The following MPHOSPH9 variants were observed in gnomAD, a reference collection of about 807,000 sequenced individuals.
The protein encoded by MPHOSPH9 is M-phase phosphoprotein 9.
A neutral mutation model predicts 145.5 loss-of-function variants in MPHOSPH9; 88 were observed. The observed-to-expected ratio is 0.60, with a 90% CI of 0.51 to 0.72. The LOEUF is 0.72. Ranked by LOEUF, MPHOSPH9 falls within the 30% of genes least tolerant of loss-of-function variation. The pLI is 0.00. For missense variants in MPHOSPH9, 1,238 were observed against 1,386.6 expected (o/e 0.89, Z 1.70); for synonymous variants, 435 against 486.2 (o/e 0.89, Z 1.39).
At chr12:123,224,028 G>A (rs1284590143) in intron 3 of MPHOSPH9, among the ~76,000 whole-genome samples, 1 of 150,904 alleles carries the variant, frequency 6.6e-6, no homozygotes. Flanking sequence ...TCCGCCTCCC[G>A]TGTTCAAGCA....
intron 13 of MPHOSPH9, among the ~76,000 whole-genome samples, chr12:123,189,475 A>T (rs1194246369): frequency 6.6e-6 from 1 of 152,214 alleles, no homozygotes; most frequent in Non-Finnish European, 1.5e-5. Context: ...TCATAGTAGC[A>T]TTGCTCCTAA....
intron 18 of MPHOSPH9, 88 bp from the exon 19 acceptor site, chr12:123,164,178 A>C: frequency 6.9e-7 from 1 of 1,441,316 alleles, no homozygotes; most frequent in Non-Finnish European, 9.7e-7. Context: ...AGGTGGTTAC[A>C]CATGGTTACA....
chr12:123,213,141 GA>G (rs1376435026), intron 7 of MPHOSPH9, among the ~76,000 whole-genome samples: 2 of 151,984 alleles, frequency 1.3e-5, no homozygotes, highest in Non-Finnish European at 2.9e-5. Flanking sequence ...TTACAAGCAT[GA>G]GCCACCGCGC....
chr12:123,202,445 A>T (rs2046262636), intron 10 of MPHOSPH9, 126 bp from the exon 11 acceptor site: 2 of 1,212,224 alleles, frequency 1.6e-6, no homozygotes, highest in African/African-American at 3.1e-5. Context: ...GCATACTACA[A>T]AATATATAGA....
chr12:123,181,085 A>C (rs975887319), intron 14 of MPHOSPH9, 78 bp downstream of exon 14: 7 of 1,320,046 alleles, frequency 5.3e-6, no homozygotes, highest in African/African-American at 1.4e-5. Context: ...CAAGGAGGAG[A>C]AGAGTCAGAT....
chr12:123,210,031 C>T lies in MPHOSPH9; in HGVS notation c.1194+25G>A, dbSNP rs758322271. On this transcript the variant is annotated intron_variant, in intron 8 of 23. Transcript: ENST00000606320. ...GATTACAGGCGTAAGCCACCGCGCC[C>T]GGCCACCGTGTGTTTTTAAATTACC... 31 of 1,559,838 alleles carry T rather than the reference C, an allele frequency of 2.0e-5. No homozygotes were observed. The East Asian group carries it at 3.4e-4, about 17-fold the overall frequency.
intron 1 of MPHOSPH9, among the ~76,000 whole-genome samples, chr12:123,239,051 G>A (rs979640428): frequency 6.6e-6 from 1 of 152,110 alleles, no homozygotes; most frequent in Non-Finnish European, 1.5e-5. Flanking sequence ...AAGGCAGATC[G>A]CTTGAGTTTG....
chr12:123,221,544 C>T lies in MPHOSPH9; in HGVS notation c.700G>A (p.Val234Met). Residue 234 changes from valine (V) to methionine (M), a missense_variant, in exon 5 of 24, where the codon GTG becomes ATG. Physicochemically the swap from Val to Met is conservative, Grantham distance 21. Coordinates refer to ENST00000606320, the MANE Select transcript of MPHOSPH9 (RefSeq NM_022782.4). ...CCATCTACAAGTGACTCAGCCGGCA[C>T]CGCAGGTGCTACATACTGTCCTTTG... ...VPKGQYVAPA[V>M]PAESLVDGVK... 3 of 1,614,200 alleles carry T rather than the reference C, an allele frequency of 1.9e-6. No homozygotes were observed. The highest frequency in any genetic ancestry group is 1.7e-6 in the Non-Finnish European group (2 of 1,180,038).
chr12:123,230,674 C>A (rs1593255983), intron 1 of MPHOSPH9, among the ~76,000 whole-genome samples, 152 bp from the exon 2 acceptor site: 1 of 152,018 alleles, frequency 6.6e-6, no homozygotes, highest in African/African-American at 2.4e-5. Flanking sequence ...TAGAAACCAC[C>A]CAAATGTCCA....
In MPHOSPH9 at chr12:123,226,372, T is replaced by C. The variant is rs1031756702; in HGVS notation, c.258+1091A>G. 19 of 1,126,296 alleles carry C rather than the reference T, an allele frequency of 1.7e-5. No homozygotes were observed. The African/African-American group carries it at 2.3e-4, about 14-fold the overall frequency. The allele number at this position is 1,126,296 out of a possible 1,614,324, so 69.8% of individuals were successfully genotyped here. On this transcript the variant is annotated intron_variant, in intron 3 of 23. Transcript: ENST00000606320. ...ACATTCTGAAAAATAACACAAATTA[T>C]GCTTCTAAAAGTACAATTAACGTTT...
intron 12 of MPHOSPH9, among the ~76,000 whole-genome samples, chr12:123,197,119 TTC>T (rs1194738395): frequency 7.0e-6 from 1 of 143,522 alleles, no homozygotes; most frequent in Non-Finnish European, 1.5e-5. Context: ...TATACTAAAA[TTC>T]ATGGAATTGT....
Position 123,162,128 on chromosome 12 carries a change from T to C in MPHOSPH9, c.3120A>G (p.Leu1040=), listed in dbSNP as rs2044137101. The C allele has an allele frequency of 3.2e-6, 5 of 1,573,002 alleles. 1 individual carries two copies. Among genetic ancestry groups the C allele is most frequent in the Non-Finnish European group, 4.3e-6 (5 of 1,155,592 alleles). Residue 1040 remains leucine (L), a synonymous_variant, in exon 21 of 24, where the codon CTA becomes CTG. Transcript: ENST00000606320. ...NPRKQLQFLP[L]DDSEEKTYSE... ...AGGAAAAGATACCTTCCGAGTCATC[T>C]AGAGGAAGAAACTGGAGTTGCTTTC... is the stretch of plus-strand genomic sequence containing the variant.
intron 6 of MPHOSPH9, 67 bp from the exon 7 acceptor site, chr12:123,214,901 T>C (rs1469209462): frequency 7.6e-7 from 1 of 1,320,542 alleles, no homozygotes; most frequent in African/African-American, 1.5e-5. Context: ...ACCCAAGAAA[T>C]GAGAGCCAGG....
chr12:123,202,055 T>C (rs1448880530), intron 11 of MPHOSPH9, 109 bp downstream of exon 11: 4 of 1,202,186 alleles, frequency 3.3e-6, no homozygotes, highest in Non-Finnish European at 4.6e-6. Context: ...AACATGACTG[T>C]TAAAATTTCA....
chr12:123,172,944 C>G (rs906496153), intron 16 of MPHOSPH9, among the ~76,000 whole-genome samples: 1 of 118,124 alleles, frequency 8.5e-6, no homozygotes, highest in Non-Finnish European at 1.6e-5. Flanking sequence ...TGCAGTGGTG[C>G]GATCTTGGCT....
upstream of MPHOSPH9, among the ~76,000 whole-genome samples, chr12:123,236,592 CA>C (rs113568323): frequency 0.027 from 2,876 of 105,650 alleles, 42 homozygotes; most frequent in Middle Eastern, 0.053. Context: ...GACCCTGTCT[CA>C]AAAAAAAAAA....
intron 8 of MPHOSPH9, among the ~76,000 whole-genome samples, chr12:123,207,778 G>C (rs568060403): frequency 6.6e-6 from 1 of 151,714 alleles, no homozygotes; most frequent in East Asian, 1.9e-4. Flanking sequence ...ATTTGAACCT[G>C]GGAGGCAGAG....
rs779155081 is a variant in MPHOSPH9 at position 123,165,155 on chromosome 12, G to A, written c.2767+147C>T. 100 of 649,100 alleles carry A rather than the reference G, an allele frequency of 1.5e-4. No individual in the cohort carries two copies. The Middle Eastern group carries it at 4.4e-3, about 29-fold the overall frequency. The allele number at this position is 649,100 out of a possible 1,614,324, so 40.2% of individuals were successfully genotyped here. A position where few individuals can be genotyped will look rare whatever the true frequency, so the allele number is the denominator to read the frequency against. On this transcript the variant is annotated intron_variant, in intron 18 of 23. Coordinates refer to ENST00000606320, the MANE Select transcript of MPHOSPH9 (RefSeq NM_022782.4). Reference sequence around the variant, plus strand: ...TTAACTAGGACATTCAATTCTCTATGAAACGGGGCTGAAGTAGCAGTAAAA... The same window carrying A: ...TTAACTAGGACATTCAATTCTCTATAAAACGGGGCTGAAGTAGCAGTAAAA...
At chr12:123,226,023 A>T (rs1185562976) in intron 3 of MPHOSPH9, among the ~76,000 whole-genome samples, 2 of 152,218 alleles carry the variant, frequency 1.3e-5, no homozygotes, top group African/African-American at 4.8e-5. Flanking sequence ...GCAACAGAGC[A>T]AGACTCTGTC....
Sources: gnomAD v4.1 joint callset for allele counts (sites outside exome capture counted in the v4.1 genomes callset) on GRCh38, gnomAD v4.1.1 for gene constraint, MANE v1.5 for transcripts, NCBI Gene and HGNC (gene_info 2026-07-23, HGNC 2026-07-21) for gene names.